The following SLC35F3 variants were observed in gnomAD, a reference collection of about 807,000 sequenced individuals.
SLC35F3 encodes the protein solute carrier family 35 member F3, also known as putative thiamine transporter SLC35F3.
A neutral mutation model predicts 49.9 loss-of-function variants in SLC35F3; 25 were observed. That is an observed-to-expected ratio of 0.50 (90% CI 0.37 to 0.70). The LOEUF is 0.70. Ranked by LOEUF, SLC35F3 falls within the 30% of genes least tolerant of loss-of-function variation. The pLI is 0.00. For missense variants in SLC35F3, 525 were observed against 639.8 expected, an observed-to-expected ratio of 0.82 and a Z score of 1.94; for synonymous variants, 275 against 265.4, an observed-to-expected ratio of 1.04 and a Z score of -0.35.
At chr1:233,917,036 AG>A (rs1268833369) in intron 2 of SLC35F3, among the ~76,000 whole-genome samples, 10 of 152,344 alleles carry the variant, frequency 6.6e-5, no homozygotes, top group African/African-American at 2.2e-4. Context: ...TTAGCTCCTC[AG>A]GGAAGTATAT....
intron 2 of SLC35F3, among the ~76,000 whole-genome samples, chr1:234,012,672 G>T (rs1224509365): frequency 6.6e-6 from 1 of 152,218 alleles, no homozygotes; most frequent in Non-Finnish European, 1.5e-5. Flanking sequence ...TGAGCTCAAA[G>T]TTGGAGCAAA....
chr1:234,265,620 C>T (rs1413655760), intron 3 of SLC35F3, among the ~76,000 whole-genome samples: 1 of 152,284 alleles, frequency 6.6e-6, no homozygotes, highest in Admixed American at 6.5e-5. Flanking sequence ...ACATCATTCT[C>T]TCCCTTGTGT....
At chr1:234,066,363 C>T (rs540721701) in intron 2 of SLC35F3, among the ~76,000 whole-genome samples, 4 of 152,176 alleles carry the variant, frequency 2.6e-5, no homozygotes, top group South Asian at 2.1e-4. Flanking sequence ...ACCTCTCTGG[C>T]CTCATCTAGT....
At position 233,958,848 on chromosome 1, in the gene SLC35F3, T is replaced by C. The variant is rs370711698; in HGVS notation, c.283+53090T>C. On this transcript the variant is annotated intron_variant, in intron 2 of 7. Coordinates refer to ENST00000366618, the MANE Select transcript of SLC35F3 (RefSeq NM_173508.4). ...AGTTCTTTTGACCTCACTTAAGTTT[T>C]ACTTGACCTTTGAATACAAAATAAC... 9.2e-5 allele frequency among the ~76,000 whole-genome samples: 14 copies of C among 152,362 alleles called. No homozygotes were observed. In the East Asian group the frequency reaches 2.3e-3, roughly 25 times the overall value.
At chr1:233,952,181 T>G (rs1662619200) in intron 2 of SLC35F3, among the ~76,000 whole-genome samples, 1 of 152,184 alleles carries the variant, frequency 6.6e-6, no homozygotes, top group Admixed American at 6.5e-5. Context: ...GAAGATATAG[T>G]TTCTTCAGAG....
intron 3 of SLC35F3, among the ~76,000 whole-genome samples, chr1:234,289,077 G>A (rs536135909): frequency 1.1e-4 from 16 of 152,328 alleles, no homozygotes; most frequent in Non-Finnish European, 2.4e-4. Context: ...TTTTGAGGCA[G>A]AGGCAGTGCC....
chr1:234,198,441 T>G (rs1260107836), intron 2 of SLC35F3, among the ~76,000 whole-genome samples: 1 of 152,228 alleles, frequency 6.6e-6, no homozygotes, highest in African/African-American at 2.4e-5. Flanking sequence ...CTGGGTAGTA[T>G]AGTAATTCTG....
chr1:234,011,385 G>A (rs569527572), intron 2 of SLC35F3, among the ~76,000 whole-genome samples: 33 of 152,244 alleles, frequency 2.2e-4, no homozygotes, highest in African/African-American at 7.7e-4. Flanking sequence ...ATTATTGTAT[G>A]CTTTGCGAAT....
intron 2 of SLC35F3, among the ~76,000 whole-genome samples, chr1:234,205,785 G>A (rs1307918674): frequency 6.6e-6 from 1 of 152,208 alleles, no homozygotes; most frequent in Non-Finnish European, 1.5e-5. Flanking sequence ...AAAGCAAACA[G>A]AGCAAGGAGG....
At chr1:233,979,055 A>G (rs1383159215) in intron 2 of SLC35F3, among the ~76,000 whole-genome samples, 3 of 151,718 alleles carry the variant, frequency 2.0e-5, no homozygotes, top group Admixed American at 2.0e-4. Flanking sequence ...AAAAAAAAAC[A>G]AAAAGCAAAA....
intron 3 of SLC35F3, among the ~76,000 whole-genome samples, chr1:234,297,883 C>T (rs1668629634): frequency 3.9e-5 from 6 of 152,280 alleles, no homozygotes; most frequent in Middle Eastern, 3.4e-3. Context: ...AGTCCTAGAG[C>T]TCTTCTGTAC....
chr1:233,961,340 C>T (rs1232158834), intron 2 of SLC35F3, among the ~76,000 whole-genome samples: 2 of 152,010 alleles, frequency 1.3e-5, no homozygotes, highest in African/African-American at 4.8e-5. Context: ...ATCTTGGGCC[C>T]CACCCAGAAC....
chr1:234,065,157 T>A (rs1240894661), intron 2 of SLC35F3, among the ~76,000 whole-genome samples: 5 of 152,088 alleles, frequency 3.3e-5, no homozygotes, highest in Non-Finnish European at 7.4e-5. Flanking sequence ...AAACACTTTT[T>A]TTTTTTTTGA....
chr1:233,907,664 G>A (rs1275719817), intron 2 of SLC35F3, among the ~76,000 whole-genome samples: 1 of 152,178 alleles, frequency 6.6e-6, no homozygotes, highest in Non-Finnish European at 1.5e-5. Context: ...TAAATTTAGA[G>A]AAGGTAATGT....
At chr1:234,303,710 G>A (rs1280212363) in intron 3 of SLC35F3, among the ~76,000 whole-genome samples, 2 of 152,230 alleles carry the variant, frequency 1.3e-5, no homozygotes, top group African/African-American at 4.8e-5. Flanking sequence ...GGTGTCTGAT[G>A]AAATTACAAT....
chr1:233,971,332 A>T (rs1167531747), intron 2 of SLC35F3, among the ~76,000 whole-genome samples: 1 of 152,236 alleles, frequency 6.6e-6, no homozygotes, highest in African/African-American at 2.4e-5. Flanking sequence ...TGGTAAACAA[A>T]ATTTTAATGT....
chr1:234,254,139 T>G (rs1325341526), intron 3 of SLC35F3, among the ~76,000 whole-genome samples: 1 of 152,256 alleles, frequency 6.6e-6, no homozygotes, highest in African/African-American at 2.4e-5. Flanking sequence ...TCCTTTGGCT[T>G]AATGATCTAA....
intron 2 of SLC35F3, among the ~76,000 whole-genome samples, chr1:233,935,415 A>G (rs1662308113): frequency 6.6e-6 from 1 of 151,994 alleles, no homozygotes; most frequent in Non-Finnish European, 1.5e-5. Flanking sequence ...TTCCTCCAGC[A>G]GCAATTGACC....
chr1:234,141,648 G>A (rs1665915225), intron 2 of SLC35F3, among the ~76,000 whole-genome samples: 1 of 152,046 alleles, frequency 6.6e-6, no homozygotes, highest in African/African-American at 2.4e-5. Context: ...CTTCACAAAG[G>A]CCTCCTGGTC....
Sources: gnomAD v4.1 joint callset for allele counts (sites outside exome capture counted in the v4.1 genomes callset) on GRCh38, gnomAD v4.1.1 for gene constraint, MANE v1.5 for transcripts, NCBI Gene and HGNC (gene_info 2026-07-23, HGNC 2026-07-21) for gene names.